The following LRSAM1 variants were observed in gnomAD, a reference collection of about 807,000 sequenced individuals.
LRSAM1 encodes the protein leucine rich repeat and sterile alpha motif containing 1, also known as E3 ubiquitin-protein ligase LRSAM1.
A neutral mutation model predicts 118.1 loss-of-function variants in LRSAM1; 96 were observed. The ratio of observed to expected loss-of-function variants is 0.81; its 90% CI spans 0.69 to 0.96. LRSAM1 has a LOEUF of 0.96. Among genes scored for constraint, LRSAM1 ranks in the 40% least tolerant of loss-of-function variants. LRSAM1 has a pLI of 0.00. For missense variants in LRSAM1, 804 were observed against 915.5 expected, an observed-to-expected ratio of 0.88 and a Z score of 1.57; for synonymous variants, 322 against 364.2, an observed-to-expected ratio of 0.88 and a Z score of 1.32.
Position 127,480,033 on chromosome 9 carries a change from G to A in LRSAM1, c.1043+55G>A, listed in dbSNP as rs117736098. On this transcript the variant is annotated intron_variant, in intron 14 of 25. Transcript: ENST00000300417. ...AGAGTCCTTCCCCGTGCAGTCCCCT[G>A]AGGAGCCGGGAGGAGTGTGTTTCTC... 2.8e-4 allele frequency: 453 copies of A among 1,611,602 alleles called. 3 individuals carry two copies. The East Asian group carries it at 8.7e-3, about 31-fold the overall frequency.
At chr9:127,501,459 T>C (rs540637030) in intron 25 of LRSAM1, among the ~76,000 whole-genome samples, 4 of 152,136 alleles carry the variant, frequency 2.6e-5, no homozygotes, top group Non-Finnish European at 5.9e-5. Context: ...TGGCCAGGCA[T>C]GGTGGCTCAC....
At chr9:127,457,195 T>C in intron 5 of LRSAM1, 121 bp from the exon 6 acceptor site, 1 of 989,320 alleles carries the variant, frequency 1.0e-6, no homozygotes, top group South Asian at 1.3e-5. Context: ...ATCCCCGTGG[T>C]GGTGTCTGGG....
intron 9 of LRSAM1, among the ~76,000 whole-genome samples, chr9:127,462,983 G>C (rs908485590): frequency 6.6e-6 from 1 of 152,076 alleles, no homozygotes; most frequent in African/African-American, 2.4e-5. Context: ...ATCACTTGAG[G>C]TTAGGAGTTC....
At chr9:127,460,933 G>A (rs1373530840) in intron 7 of LRSAM1, among the ~76,000 whole-genome samples, 4 of 126,154 alleles carry the variant, frequency 3.2e-5, no homozygotes, top group East Asian at 5.3e-4. Context: ...TCAGCTCACC[G>A]CAACCTCTGC....
intron 10 of LRSAM1, among the ~76,000 whole-genome samples, chr9:127,471,964 G>T (rs1234128956): frequency 1.3e-5 from 2 of 151,128 alleles, no homozygotes; most frequent in Non-Finnish European, 3.0e-5. Flanking sequence ...CGCCCTGCAA[G>T]AAATAATTTT....
At chr9:127,472,007 G>T (rs1194772196) in intron 10 of LRSAM1, among the ~76,000 whole-genome samples, 14 of 151,364 alleles carry the variant, frequency 9.2e-5, no homozygotes, top group African/African-American at 3.4e-4. Flanking sequence ...TGTCGCCCAG[G>T]CTGGAGTGCG....
chr9:127,494,099 C>G (rs1836032020), intron 21 of LRSAM1, among the ~76,000 whole-genome samples: 1 of 152,228 alleles, frequency 6.6e-6, no homozygotes, highest in Non-Finnish European at 1.5e-5. Context: ...GGCTGGTGCC[C>G]CTGCCCTTGT....
intron 9 of LRSAM1, among the ~76,000 whole-genome samples, chr9:127,464,848 G>C (rs150626916): frequency 1.3e-5 from 2 of 151,952 alleles, no homozygotes; most frequent in African/African-American, 4.8e-5. Flanking sequence ...CCACTATGTT[G>C]CCCAGCCTGG....
intron 20 of LRSAM1, 152 bp downstream of exon 20, chr9:127,491,447 A>G (rs1835930429): frequency 1.4e-6 from 1 of 695,158 alleles, no homozygotes; most frequent in Admixed American, 2.2e-5. Context: ...CTGTGACACC[A>G]GAGGACACCC....
chr9:127,472,344 T>A (rs1055149507), intron 10 of LRSAM1, among the ~76,000 whole-genome samples: 19 of 151,914 alleles, frequency 1.3e-4, no homozygotes, highest in Admixed American at 1.1e-3. Flanking sequence ...TTTGACCTTT[T>A]AAAAAACATT....
intron 13 of LRSAM1, 130 bp downstream of exon 13, chr9:127,479,635 A>C (rs1588120417): frequency 4.2e-6 from 6 of 1,432,524 alleles, no homozygotes; most frequent in African/African-American, 1.4e-5. Context: ...GTCCCCCAGC[A>C]CCTGGGAGGG....
At chr9:127,476,024 G>C (rs1835338692) in intron 11 of LRSAM1, among the ~76,000 whole-genome samples, 1 of 152,222 alleles carries the variant, frequency 6.6e-6, no homozygotes, top group Non-Finnish European at 1.5e-5. Context: ...ACAGGTGTGA[G>C]CCACCACACC....
intron 11 of LRSAM1, among the ~76,000 whole-genome samples, chr9:127,477,100 AT>A (rs1348213887): frequency 6.6e-6 from 1 of 152,366 alleles, no homozygotes; most frequent in African/African-American, 2.4e-5. Context: ...GATTAAAAAA[AT>A]GTTTATATAT....
At chr9:127,463,058 G>A (rs534160824) in intron 9 of LRSAM1, among the ~76,000 whole-genome samples, 6 of 152,040 alleles carry the variant, frequency 3.9e-5, no homozygotes, top group South Asian at 2.1e-4. Flanking sequence ...TTATCCAGGC[G>A]TGGTGGTGCG....
chr9:127,460,082 C>T (rs557369393), intron 7 of LRSAM1, among the ~76,000 whole-genome samples: 3 of 149,774 alleles, frequency 2.0e-5, no homozygotes, highest in African/African-American at 7.4e-5. Context: ...TCACTGCAAT[C>T]TCCACCTCCC....
chr9:127,497,866 A>G (rs541507008), intron 24 of LRSAM1, among the ~76,000 whole-genome samples: 1 of 152,362 alleles, frequency 6.6e-6, no homozygotes, highest in African/African-American at 2.4e-5. Flanking sequence ...GCTGTGCATG[A>G]ACCACGTTGA....
chr9:127,478,862 G>A (rs1835429455), intron 11 of LRSAM1, 72 bp from the exon 12 acceptor site: 2 of 1,506,190 alleles, frequency 1.3e-6, no homozygotes, highest in East Asian at 2.3e-5. Context: ...CCACCCGGGG[G>A]TTCCTGGTGC....
At chr9:127,468,575 T>G (rs1835044506) in intron 10 of LRSAM1, among the ~76,000 whole-genome samples, 1 of 152,154 alleles carries the variant, frequency 6.6e-6, no homozygotes, top group Admixed American at 6.6e-5. Context: ...GATGGTCTTT[T>G]CAATAGCTGA....
intron 20 of LRSAM1, among the ~76,000 whole-genome samples, chr9:127,491,657 T>C (rs1201756018): frequency 6.6e-6 from 1 of 152,200 alleles, no homozygotes; most frequent in African/African-American, 2.4e-5. Context: ...CAGGCACACA[T>C]CCTCCAGGGC....
Sources: gnomAD v4.1 joint callset for allele counts (sites outside exome capture counted in the v4.1 genomes callset) on GRCh38, gnomAD v4.1.1 for gene constraint, MANE v1.5 for transcripts, NCBI Gene and HGNC (gene_info 2026-07-23, HGNC 2026-07-21) for gene names.